The following NT5DC1 variants were observed in gnomAD, a reference collection of about 807,000 sequenced individuals.
The protein encoded by NT5DC1 is 5'-nucleotidase domain containing 1.
Under a neutral mutation model 59.4 loss-of-function variants are expected in NT5DC1, and 42 were observed. That is an observed-to-expected ratio of 0.71 (90% CI 0.55 to 0.92). NT5DC1 has a LOEUF of 0.92. Ranked by LOEUF, NT5DC1 falls within the 40% of genes least tolerant of loss-of-function variation. The pLI, the probability that NT5DC1 is intolerant of heterozygous loss-of-function variation, is 0.00. For missense variants in NT5DC1, 501 were observed against 537.1 expected, an observed-to-expected ratio of 0.93 and a Z score of 0.66; for synonymous variants, 172 against 188.1, an observed-to-expected ratio of 0.91 and a Z score of 0.70.
chr6:116,132,883 C>G (rs1018389399), intron 6 of NT5DC1, among the ~76,000 whole-genome samples: 1 of 152,112 alleles, frequency 6.6e-6, no homozygotes, highest in Admixed American at 6.6e-5. Flanking sequence ...AAAGAACATT[C>G]TTAGGTGCCA....
intron 6 of NT5DC1, among the ~76,000 whole-genome samples, chr6:116,184,781 G>A (rs1335111052): frequency 6.6e-6 from 1 of 151,602 alleles, no homozygotes; most frequent in Non-Finnish European, 1.5e-5. Flanking sequence ...TCTCTTCTTA[G>A]TTATTCTCAC....
chr6:116,166,491 G>C (rs572709584), intron 6 of NT5DC1, among the ~76,000 whole-genome samples: 3 of 152,334 alleles, frequency 2.0e-5, no homozygotes, highest in East Asian at 3.9e-4. Context: ...ATTGGGAATA[G>C]TGGATATTTG....
intron 6 of NT5DC1, among the ~76,000 whole-genome samples, chr6:116,179,813 T>C (rs1043608118): frequency 6.6e-6 from 1 of 152,104 alleles, no homozygotes; most frequent in Non-Finnish European, 1.5e-5. Context: ...AGTAATCTTA[T>C]TTCTTTTGGA....
rs1237688440 is a variant in NT5DC1, at chr6:116,115,732, G to T, written c.406G>T (p.Ala136Ser). Residue 136 changes from alanine (A) to serine (S), a missense_variant, in exon 5 of 12, where the codon GCT (alanine) becomes TCT (serine). Coordinates refer to ENST00000319550, the MANE Select transcript of NT5DC1 (RefSeq NM_152729.3). ...CGACAACTACTTTGACCTGCCAGGA[G>T]CTCTTCTGTGTGCCAGGGTGGTGGA... ...FYDNYFDLPG[A>S]LLCARVVDYL... 3.1e-6 allele frequency: 5 copies of T among 1,605,852 alleles called. No individual in the cohort carries two copies. The highest frequency in any genetic ancestry group is 1.3e-5 in the African/African-American group (1 of 74,788).
Position 116,221,813 on chromosome 6 carries a change from GTAA to G in NT5DC1, c.704+587_704+589del, listed in dbSNP as rs562915734. Among the ~76,000 whole-genome samples the G allele has an allele frequency of 1.6e-3, 248 of 152,304 alleles. 2 individuals are homozygous for G. The highest frequency in any genetic ancestry group is 5.7e-3 in the African/African-American group (235 of 41,566). On this transcript the variant is annotated intron_variant, in intron 7 of 11. Transcript: ENST00000319550. ...ATTTTGCCGTCATAAAAATGGTACA[GTAA>G]TTCCTTGTGGGTATGAGGGGATATT...
intron 6 of NT5DC1, among the ~76,000 whole-genome samples, chr6:116,219,410 G>A (rs987858293): frequency 1.3e-5 from 2 of 152,080 alleles, no homozygotes. Flanking sequence ...TTCTCCTCAG[G>A]TCTCATTTGC....
chr6:116,182,403 G>A (rs1402824439), intron 6 of NT5DC1, among the ~76,000 whole-genome samples: 1 of 152,008 alleles, frequency 6.6e-6, no homozygotes, highest in Non-Finnish European at 1.5e-5. Context: ...TAGATACTCA[G>A]GAGCAGGATT....
chr6:116,195,690 T>C (rs1781207959), intron 6 of NT5DC1, among the ~76,000 whole-genome samples: 1 of 152,044 alleles, frequency 6.6e-6, no homozygotes, highest in South Asian at 2.1e-4. Flanking sequence ...ATCTTTAGAA[T>C]ATGGTAGACT....
chr6:116,244,039 A>G lies in NT5DC1; in HGVS notation c.*15A>G. 1 of 1,098,706 alleles carries G rather than the reference A, an allele frequency of 9.1e-7. No individual in the cohort carries two copies. The highest frequency in any genetic ancestry group is 1.4e-5 in the South Asian group (1 of 73,100). 68.1% of individuals were successfully genotyped at this position (1,098,706 alleles called of 1,614,324 possible). ...TATCCAAATAAGTTGTCTTTACTGA[A>G]AAATGAAGTGAAGACCCATATATGC... On this transcript the variant is annotated 3_prime_UTR_variant, in exon 12 of 12. Transcript: ENST00000319550.
At chr6:116,144,993 A>G (rs537033561) in intron 6 of NT5DC1, among the ~76,000 whole-genome samples, 27 of 152,344 alleles carry the variant, frequency 1.8e-4, no homozygotes, top group African/African-American at 6.0e-4. Context: ...GGGTTCAATT[A>G]GAGAATGTAT....
chr6:116,155,673 G>A (rs1780171315), intron 6 of NT5DC1, among the ~76,000 whole-genome samples: 1 of 148,638 alleles, frequency 6.7e-6, no homozygotes, highest in Non-Finnish European at 1.5e-5. Context: ...AAGATTAGAA[G>A]CAAGGCTGGT....
At chr6:116,231,587 A>G (rs1353540161) in intron 8 of NT5DC1, among the ~76,000 whole-genome samples, 1 of 152,232 alleles carries the variant, frequency 6.6e-6, no homozygotes, top group African/African-American at 2.4e-5. Context: ...TCTGTGAAAT[A>G]TAGTAAAAAT....
Position 116,245,573 on chromosome 6 carries a change from C to G in NT5DC1, c.*1549C>G, listed in dbSNP as rs1001863623. ...TACTTGAAATTTATGTCCAGAATGT[C>G]ACTGGAATATTACAATGAGCATAAA... is the stretch of plus-strand genomic sequence containing the variant. On this transcript the variant is annotated 3_prime_UTR_variant, in exon 12 of 12. Transcript: ENST00000319550. The G allele has an allele frequency of 1.3e-5, 2 of 152,286 alleles. No homozygotes were observed. The highest frequency in any genetic ancestry group is 4.8e-5 in the African/African-American group (2 of 41,392). 9.4% of individuals were successfully genotyped at this position (152,286 alleles called of 1,614,324 possible). A position where few individuals can be genotyped will look rare whatever the true frequency, so the allele number is the denominator to read the frequency against.
chr6:116,201,015 A>C (rs1453716940), intron 6 of NT5DC1, among the ~76,000 whole-genome samples: 1 of 152,106 alleles, frequency 6.6e-6, no homozygotes. Context: ...GGAAGGTACT[A>C]TGGTAGCACC....
At chr6:116,139,087 A>G (rs1029743949) in intron 6 of NT5DC1, among the ~76,000 whole-genome samples, 8 of 152,190 alleles carry the variant, frequency 5.3e-5, no homozygotes, top group African/African-American at 1.9e-4. Context: ...ATGTATTCTT[A>G]TGATTTATAG....
intron 6 of NT5DC1, among the ~76,000 whole-genome samples, chr6:116,148,540 T>C (rs78109486): frequency 0.039 from 5,880 of 152,296 alleles, 154 homozygotes; most frequent in South Asian, 0.072. Flanking sequence ...TTGATTTTCA[T>C]TGTACTCAGA....
Position 116,239,075 on chromosome 6 carries a change from AT to A in NT5DC1, c.1205del (p.Ile402ThrfsTer51). On this transcript the variant is annotated frameshift_variant, in exon 11 of 12. Transcript: ENST00000319550. LOFTEE classifies it high-confidence loss of function. ...SLVYTWSCKR[I>X]STYSTIAIPS... ...GGTTTATACATGGTCTTGTAAGAGAATCAGTACTTACAGCACTATTGCAATT... is the reference window on the plus strand; with the variant it reads ...GGTTTATACATGGTCTTGTAAGAGAACAGTACTTACAGCACTATTGCAATT... The A allele has an allele frequency of 6.2e-7, 1 of 1,612,298 alleles. No homozygotes were observed. Among genetic ancestry groups the A allele is most frequent in the East Asian group, 2.2e-5 (1 of 44,810 alleles).
chr6:116,227,498 ATCATATGGTAGTTCTGTT>A (rs751029997), intron 8 of NT5DC1, among the ~76,000 whole-genome samples: 10 of 152,106 alleles, frequency 6.6e-5, no homozygotes, highest in Non-Finnish European at 1.3e-4. Context: ...GAGTTGCTGG[ATCATATGGTAGTTCTGTT>A]TTTAATTATT....
chr6:116,191,818 T>C (rs1364290469), intron 6 of NT5DC1, among the ~76,000 whole-genome samples: 1 of 152,048 alleles, frequency 6.6e-6, no homozygotes, highest in Admixed American at 6.6e-5. Context: ...ATATTTGTAT[T>C]CCCCAAACCT....
Sources: allele counts gnomAD v4.1 joint callset (sites outside exome capture counted in the v4.1 genomes callset), GRCh38; gene constraint gnomAD v4.1.1; transcripts MANE v1.5; gene names NCBI Gene and HGNC (gene_info 2026-07-23, HGNC 2026-07-21).